Variants in GPM6A observed in about 807,000 individuals in gnomAD.
The protein encoded by GPM6A is neuronal membrane glycoprotein M6-a.
Under a neutral mutation model 32.1 loss-of-function variants are expected in GPM6A, and 7 were observed. The ratio of observed to expected loss-of-function variants is 0.22; its 90% confidence interval spans 0.12 to 0.41. The LOEUF (loss-of-function observed/expected upper bound fraction) is 0.41. Ranked by LOEUF, GPM6A falls within the 10% of genes least tolerant of loss-of-function variation. The probability of loss-of-function intolerance (pLI) is 1.00; values close to 1 mark genes in which losing one functional copy is unlikely to be tolerated. For missense variants in GPM6A, 235 were observed against 347.2 expected (o/e 0.68, Z 2.57); for synonymous variants, 130 against 123.4 (o/e 1.05, Z -0.35).
intron 1 of GPM6A, among the ~76,000 whole-genome samples, chr4:175,736,479 T>C (rs1367861679): frequency 1.3e-5 from 2 of 152,054 alleles, no homozygotes; most frequent in Admixed American, 1.3e-4. Context: ...ATATTAACGA[T>C]ATCAAGGTTT....
chr4:175,870,419 T>C (rs567286417), intron 1 of GPM6A, among the ~76,000 whole-genome samples: 43 of 152,306 alleles, frequency 2.8e-4, no homozygotes, highest in Admixed American at 9.2e-4. Context: ...TTTCCTTTAT[T>C]CACTCAAAAT....
At chr4:175,729,889 A>G (rs1237489756) in intron 1 of GPM6A, among the ~76,000 whole-genome samples, 1 of 145,748 alleles carries the variant, frequency 6.9e-6, no homozygotes, top group Non-Finnish European at 1.5e-5. Context: ...TATATTATAT[A>G]TTAATATATG....
intron 2 of GPM6A, among the ~76,000 whole-genome samples, chr4:175,691,328 T>G (rs1744287670): frequency 6.6e-6 from 1 of 152,182 alleles, no homozygotes. Flanking sequence ...TCTTAAGGGA[T>G]TAATTCACTT....
chr4:175,744,821 C>G (rs1161959886), intron 1 of GPM6A, among the ~76,000 whole-genome samples: 1 of 152,154 alleles, frequency 6.6e-6, no homozygotes, highest in Non-Finnish European at 1.5e-5. Flanking sequence ...ATACATCTCC[C>G]ACTTCTGGGT....
intron 1 of GPM6A, among the ~76,000 whole-genome samples, chr4:175,736,525 A>T (rs1044850010): frequency 2.0e-5 from 3 of 152,218 alleles, no homozygotes; most frequent in Non-Finnish European, 2.9e-5. Context: ...GCAATTCTCT[A>T]TAAAGAAGAT....
intron 1 of GPM6A, among the ~76,000 whole-genome samples, chr4:175,979,308 CT>C (rs148320284): frequency 0.22 from 32,867 of 152,036 alleles, 4,731 homozygotes; most frequent in African/African-American, 0.41. Context: ...TTAAACACAA[CT>C]TTTCCAGGTG....
At chr4:175,737,465 C>T (rs1731709557) in intron 1 of GPM6A, among the ~76,000 whole-genome samples, 1 of 150,916 alleles carries the variant, frequency 6.6e-6, no homozygotes, top group African/African-American at 2.4e-5. Context: ...CGAGATTGTG[C>T]CATTGCACTC....
chr4:175,846,773 T>C (rs1736099649), intron 1 of GPM6A, among the ~76,000 whole-genome samples: 1 of 152,146 alleles, frequency 6.6e-6, no homozygotes, highest in Non-Finnish European at 1.5e-5. Flanking sequence ...AATTGAGATA[T>C]AGAATGTAGC....
chr4:175,977,874 T>C (rs17062338), intron 1 of GPM6A, among the ~76,000 whole-genome samples: 5,405 of 152,280 alleles, frequency 0.035, 205 homozygotes, highest in African/African-American at 0.1. Flanking sequence ...GAACTCTTTT[T>C]AACCTTCTTG....
intron 1 of GPM6A, among the ~76,000 whole-genome samples, chr4:175,751,767 T>C (rs956744577): frequency 6.6e-6 from 1 of 152,016 alleles, no homozygotes; most frequent in Admixed American, 6.6e-5. Context: ...GTTGTTGTTG[T>C]TTGTTTTTTG....
Position 175,812,195 on chromosome 4 carries a change from T to G in GPM6A, c.33A>C (p.Gln11His), listed in dbSNP as rs1734945888. Residue 11 changes from glutamine to histidine, a missense_variant, in exon 1 of 7, where the codon CAA becomes CAC. Transcript: ENST00000393658. The part of the protein sequence containing the change: MEENMEEGQT[Q>H]KGCFECCIKC... ...TAAACGCTTTTAGCACAGTACCTTT[T>G]TGTGTCTGTCCCTCTTCCATATTCT... 1 of 1,589,846 alleles carries G rather than the reference T, an allele frequency of 6.3e-7. No homozygotes were observed. The highest frequency in any genetic ancestry group is 8.6e-7 in the Non-Finnish European group (1 of 1,162,062).
At chr4:175,716,271 A>T (rs1745836886) in intron 1 of GPM6A, among the ~76,000 whole-genome samples, 1 of 152,174 alleles carries the variant, frequency 6.6e-6, no homozygotes, top group Non-Finnish European at 1.5e-5. Context: ...TATCAGAATC[A>T]TGATAATTTT....
chr4:175,654,042 T>C (rs919543484), intron 3 of GPM6A, among the ~76,000 whole-genome samples: 1 of 152,084 alleles, frequency 6.6e-6, no homozygotes, highest in African/African-American at 2.4e-5. Flanking sequence ...GTGACAATGG[T>C]CAGCTAAGCC....
At chr4:175,819,585 A>T (rs1303748392) in intron 1 of GPM6A, among the ~76,000 whole-genome samples, 2 of 152,140 alleles carry the variant, frequency 1.3e-5, no homozygotes, top group East Asian at 3.9e-4. Context: ...GGTAATTACT[A>T]TTGTCCCCAT....
At chr4:175,691,332 T>C (rs1579389704) in intron 2 of GPM6A, among the ~76,000 whole-genome samples, 1 of 152,324 alleles carries the variant, frequency 6.6e-6, no homozygotes, top group Admixed American at 6.5e-5. Flanking sequence ...AAGGGATTAA[T>C]TCACTTACTT....
intron 1 of GPM6A, among the ~76,000 whole-genome samples, chr4:175,878,685 G>T (rs74436274): frequency 0.016 from 2,378 of 152,108 alleles, 66 homozygotes; most frequent in African/African-American, 0.055. Flanking sequence ...TGCCTTGAAG[G>T]TTTCTGACAT....
intron 1 of GPM6A, among the ~76,000 whole-genome samples, chr4:175,727,939 T>C (rs915890610): frequency 3.4e-5 from 5 of 147,294 alleles, no homozygotes; most frequent in African/African-American, 7.6e-5. Context: ...GGGAGACCAG[T>C]GTTACCGTGA....
rs144607613 is a variant in GPM6A at position 175,864,875 on chromosome 4, C to T, written c.-22-52626G>A. Among the ~76,000 whole-genome samples the T allele has an allele frequency of 9.0e-3, 1,333 of 148,814 alleles. 22 individuals are homozygous for T. Among genetic ancestry groups the T allele is most frequent in the South Asian group, 0.065 (304 of 4,702 alleles). On this transcript the variant is annotated intron_variant, in intron 1 of 7. Transcript: ENST00000280187. ...AGACTGGAGTGCAGTGGTGTGATCT[C>T]GGCTCACTGCAACCTCTGCACCTAG...
intron 1 of GPM6A, among the ~76,000 whole-genome samples, chr4:175,851,413 A>G (rs997650624): frequency 6.7e-6 from 1 of 148,608 alleles, no homozygotes; most frequent in Non-Finnish European, 1.5e-5. Flanking sequence ...TGAACTCAGG[A>G]GGCAGAGGTT....
Sources: gnomAD v4.1 joint callset for allele counts (sites outside exome capture counted in the v4.1 genomes callset) on GRCh38, gnomAD v4.1.1 for gene constraint, MANE v1.5 for transcripts, NCBI Gene and HGNC (gene_info 2026-07-23, HGNC 2026-07-21) for gene names.